CAB39: variants seen among roughly 807,000 people sequenced by gnomAD.
The protein encoded by CAB39 is calcium-binding protein 39.
In CAB39, 8 loss-of-function variants were observed where a neutral mutation model predicts 40.0. That is an observed-to-expected ratio of 0.20 (90% CI 0.12 to 0.36). CAB39 has a LOEUF of 0.36. Ranked by LOEUF, CAB39 falls within the 10% of genes least tolerant of loss-of-function variation. CAB39 has a pLI of 1.00. For missense variants in CAB39, 270 were observed against 401.1 expected, an observed-to-expected ratio of 0.67 and a Z score of 2.79; for synonymous variants, 156 against 141.6, an observed-to-expected ratio of 1.10 and a Z score of -0.72.
chr2:230,765,023 T>G (rs541999879), intron 2 of CAB39, among the ~76,000 whole-genome samples: 2 of 152,354 alleles, frequency 1.3e-5, no homozygotes, highest in Admixed American at 1.3e-4. Flanking sequence ...AGTCTCGCTC[T>G]GTCGCCAGGC....
At chr2:230,805,828 G>A (rs566026556) in intron 5 of CAB39, among the ~76,000 whole-genome samples, 49 of 152,312 alleles carry the variant, frequency 3.2e-4, no homozygotes, top group African/African-American at 9.6e-4. Context: ...GTAAATTGCC[G>A]TCACCCTGCA....
chr2:230,755,109 A>G (rs1426430378), intron 1 of CAB39, among the ~76,000 whole-genome samples: 1 of 152,138 alleles, frequency 6.6e-6, no homozygotes, highest in East Asian at 1.9e-4. Flanking sequence ...TCGTTGATTG[A>G]TGGGCATTTG....
intron 2 of CAB39, among the ~76,000 whole-genome samples, chr2:230,767,731 G>A (rs1046189947): frequency 7.9e-5 from 12 of 152,102 alleles, no homozygotes; most frequent in African/African-American, 2.9e-4. Context: ...TGAGCAATGA[G>A]GCCCATGACT....
intron 1 of CAB39, chr2:230,725,405 T>A: frequency 6.3e-7 from 1 of 1,596,722 alleles, no homozygotes; most frequent in South Asian, 1.1e-5. Context: ...GGTTGTCATC[T>A]TGATCAGGCT....
intron 2 of CAB39, among the ~76,000 whole-genome samples, chr2:230,766,375 A>G (rs936005336): frequency 6.6e-6 from 1 of 152,162 alleles, no homozygotes; most frequent in African/African-American, 2.4e-5. Flanking sequence ...GTTTATTAGG[A>G]GAGAGAGAGA....
intron 2 of CAB39, among the ~76,000 whole-genome samples, chr2:230,773,744 C>A (rs541011838): frequency 1.3e-5 from 2 of 152,076 alleles, no homozygotes; most frequent in East Asian, 3.9e-4. Flanking sequence ...ATTTGGGAGA[C>A]CATATAATGT....
chr2:230,816,312 T>TA, intron 7 of CAB39, among the ~76,000 whole-genome samples: 1 of 152,360 alleles, frequency 6.6e-6, no homozygotes, highest in East Asian at 1.9e-4. Context: ...TCATCTTCCT[T>TA]CAGATTTTCT....
Position 230,790,855 on chromosome 2 carries a change from C to T in CAB39, c.115-17C>T. The T allele has an allele frequency of 6.3e-7, 1 of 1,586,454 alleles. No individual in the cohort carries two copies. Among genetic ancestry groups the T allele is most frequent in the Non-Finnish European group, 8.5e-7 (1 of 1,170,310 alleles). On this transcript the variant is annotated splice_polypyrimidine_tract_variant and intron_variant, in intron 2 of 8. Transcript: ENST00000258418. ...ATTGTTTTTTCTCCTCTTCCCAACT[C>T]CTCTCTCTAAAATTAGGCTACAGAA...
At chr2:230,727,431 T>C (rs1185786631) in intron 1 of CAB39, among the ~76,000 whole-genome samples, 3 of 149,036 alleles carry the variant, frequency 2.0e-5, no homozygotes, top group Admixed American at 1.3e-4. Flanking sequence ...TTTTTTTTTT[T>C]TGAGACAGGG....
chr2:230,782,813 C>CTTTCTTTCTTTTTTTTTTTTTTTTTT (rs1286339069), intron 2 of CAB39, among the ~76,000 whole-genome samples: 2 of 81,766 alleles, frequency 2.4e-5, no homozygotes, highest in Admixed American at 1.2e-4. Flanking sequence ...TTCTTTCTTT[C>CTTTCTTTCTTTTTTTTTTTTTTTTTT]TTTTTTTTTT....
intron 1 of CAB39, among the ~76,000 whole-genome samples, chr2:230,722,746 G>A (rs1160118324): frequency 6.6e-6 from 1 of 152,180 alleles, no homozygotes; most frequent in Non-Finnish European, 1.5e-5. Context: ...TCTTTCTGCT[G>A]TACTATACGT....
intron 1 of CAB39, among the ~76,000 whole-genome samples, chr2:230,748,831 A>ATATATATATATATATAT (rs1553669220): frequency 3.5e-5 from 1 of 28,508 alleles, no homozygotes; most frequent in Non-Finnish European, 6.3e-5. Context: ...AAAAAAAAAA[A>ATATATATATATATATAT]ATATATATAT....
intron 2 of CAB39, among the ~76,000 whole-genome samples, chr2:230,777,512 C>T (rs1478629153): frequency 6.6e-6 from 1 of 151,774 alleles, no homozygotes; most frequent in Non-Finnish European, 1.5e-5. Context: ...TTCTGCCTCC[C>T]AGGTTCAAGC....
At chr2:230,746,649 G>A (rs1189804977) in intron 1 of CAB39, among the ~76,000 whole-genome samples, 4 of 152,114 alleles carry the variant, frequency 2.6e-5, no homozygotes, top group Non-Finnish European at 5.9e-5. Context: ...AGAAATTATA[G>A]GCACTTTGCT....
In CAB39 at chr2:230,805,258, C is replaced by T. The variant is rs370554630; in HGVS notation, c.568-5005C>T. 1.0e-4 allele frequency among the ~76,000 whole-genome samples: 13 copies of T among 125,310 alleles called. No homozygotes were observed. The South Asian group carries it at 1.1e-3, about 10-fold the overall frequency. 82.2% of individuals were successfully genotyped at this position (125,310 alleles called of 152,430 possible). On this transcript the variant is annotated intron_variant, in intron 5 of 8. Coordinates refer to ENST00000258418, the MANE Select transcript of CAB39 (RefSeq NM_016289.4). ...AACACCGGGGCCTGTCATGGGGTGG[C>T]GGGGTGGGGGAGGGATAGCATTAAG...
chr2:230,773,814 A>G (rs916255934), intron 2 of CAB39, among the ~76,000 whole-genome samples: 1 of 152,170 alleles, frequency 6.6e-6, no homozygotes, highest in Non-Finnish European at 1.5e-5. Context: ...GAGTGGAAAT[A>G]AAACAAGAAG....
intron 3 of CAB39, among the ~76,000 whole-genome samples, chr2:230,791,790 C>T (rs1559612379): frequency 6.6e-6 from 1 of 152,186 alleles, no homozygotes; most frequent in Non-Finnish European, 1.5e-5. Flanking sequence ...TTGGATCATG[C>T]TATGTTAAAT....
intron 1 of CAB39, among the ~76,000 whole-genome samples, chr2:230,754,796 G>A (rs1695161012): frequency 6.6e-6 from 1 of 152,220 alleles, no homozygotes; most frequent in Admixed American, 6.5e-5. Context: ...TGGGATTACA[G>A]GCATGAGCCA....
intron 6 of CAB39, among the ~76,000 whole-genome samples, chr2:230,813,709 G>A (rs1215767357): frequency 6.6e-6 from 1 of 152,034 alleles, no homozygotes; most frequent in Non-Finnish European, 1.5e-5. Flanking sequence ...AAGTGTGAGG[G>A]GTATGGGAGT....
Sources: allele counts gnomAD v4.1 joint callset (sites outside exome capture counted in the v4.1 genomes callset), GRCh38; gene constraint gnomAD v4.1.1; transcripts MANE v1.5; gene names NCBI Gene and HGNC (gene_info 2026-07-23, HGNC 2026-07-21).